Variants in ADAM17 observed in about 807,000 individuals in gnomAD.
ADAM17 encodes disintegrin and metalloproteinase domain-containing protein 17.
ADAM17 carries 39 observed loss-of-function variants against 96.7 expected under a neutral mutation model. The ratio of observed to expected loss-of-function variants is 0.40; its 90% CI spans 0.31 to 0.53. The LOEUF (loss-of-function observed/expected upper bound fraction) is 0.53. ADAM17 is among the 20% of genes least tolerant of loss of function. The probability of loss-of-function intolerance (pLI) is 0.44; values close to 1 mark genes in which losing one functional copy is unlikely to be tolerated. For synonymous variants in ADAM17, 344 were observed against 359.2 expected (o/e 0.96, Z 0.48); for missense variants, 777 against 1,013.2 (o/e 0.77, Z 3.17).
intron 14 of ADAM17, among the ~76,000 whole-genome samples, chr2:9,496,734 A>C (rs1474428863): frequency 6.6e-6 from 1 of 152,292 alleles, no homozygotes; most frequent in East Asian, 1.9e-4. Flanking sequence ...GGAGTATCCT[A>C]GTTCCATGCC....
chr2:9,501,164 G>C (rs1462061757), intron 13 of ADAM17, among the ~76,000 whole-genome samples: 1 of 152,020 alleles, frequency 6.6e-6, no homozygotes, highest in Non-Finnish European at 1.5e-5. Flanking sequence ...ATATGAACTG[G>C]CTATTCACAG....
chr2:9,495,371 A>C (rs1269486691), intron 14 of ADAM17, among the ~76,000 whole-genome samples: 3 of 152,276 alleles, frequency 2.0e-5, no homozygotes, highest in Non-Finnish European at 4.4e-5. Context: ...AACCATACTT[A>C]GGAGAAAAAG....
chr2:9,542,977 C>T (rs1273735453), intron 2 of ADAM17, among the ~76,000 whole-genome samples, 176 bp downstream of exon 2: 7 of 152,134 alleles, frequency 4.6e-5, no homozygotes, highest in South Asian at 2.1e-4. Flanking sequence ...GGATTATAGG[C>T]GTGAGCCACT....
intron 10 of ADAM17, among the ~76,000 whole-genome samples, chr2:9,514,540 T>C (rs1378041643): frequency 3.0e-5 from 1 of 33,628 alleles, no homozygotes; most frequent in Non-Finnish European, 7.4e-5. Context: ...TATATATATA[T>C]ATATATATAT....
Position 9,493,784 on chromosome 2 carries a change from A to T in ADAM17, c.1956T>A (p.Phe652Leu). The change falls in exon 16 of 19, where the codon TTT (phenylalanine) becomes TTA (leucine). Residue 652 changes from phenylalanine to leucine, a missense_variant. Phe to Leu is a conservative substitution (Grantham distance 22, BLOSUM62 0). Coordinates refer to ENST00000310823, the MANE Select transcript of ADAM17 (RefSeq NM_003183.6). ...EKRVQDVIER[F>L]WDFIDQLSIN... is the part of the protein sequence containing the mutation. ...TGCTCAGCTGGTCAATGAAATCCCAAAATCGTTCAATTACATCCTGTACTC... is the reference window on the plus strand; with the variant it reads ...TGCTCAGCTGGTCAATGAAATCCCATAATCGTTCAATTACATCCTGTACTC... 1 of 1,614,086 alleles carries T rather than the reference A, an allele frequency of 6.2e-7. No individual in the cohort carries two copies. The highest frequency in any genetic ancestry group is 1.1e-5 in the South Asian group (1 of 91,060).
At chr2:9,545,471 G>A (rs1332211977) in intron 1 of ADAM17, among the ~76,000 whole-genome samples, 1 of 152,126 alleles carries the variant, frequency 6.6e-6, no homozygotes, top group East Asian at 1.9e-4. Flanking sequence ...TCGGTAGGCT[G>A]AGGCAAGAGA....
At chr2:9,529,372 A>C (rs1166177622) in intron 4 of ADAM17, among the ~76,000 whole-genome samples, 1 of 152,120 alleles carries the variant, frequency 6.6e-6, no homozygotes, top group Non-Finnish European at 1.5e-5. Context: ...AATCAGTTGA[A>C]CCCAGGAGGC....
intron 2 of ADAM17, among the ~76,000 whole-genome samples, chr2:9,537,460 G>A (rs539183344): frequency 5.9e-5 from 9 of 152,304 alleles, no homozygotes; most frequent in East Asian, 1.9e-4. Context: ...GCGGCCGTGC[G>A]TAGTGGCTCA....
In ADAM17 at chr2:9,495,583, G is replaced by A. The variant is rs372670753; in HGVS notation, c.1784-816C>T. On this transcript the variant is annotated intron_variant, in intron 14 of 18. Transcript: ENST00000310823. ...AAAAAAATTAGCCAGATGTGGTGGT[G>A]CTTGCCTGTAGTCCCAGCTACTCAG... 2.6e-5 allele frequency among the ~76,000 whole-genome samples: 4 copies of A among 152,010 alleles called. No homozygotes were observed. In the East Asian group the frequency reaches 7.7e-4, roughly 29 times the overall value.
intron 10 of ADAM17, among the ~76,000 whole-genome samples, chr2:9,516,671 T>G (rs1409515231): frequency 6.6e-6 from 1 of 152,052 alleles, no homozygotes; most frequent in Non-Finnish European, 1.5e-5. Context: ...GAGAACTGCT[T>G]GAACCCAGAA....
At chr2:9,524,831 A>G (rs146039765) in intron 6 of ADAM17, among the ~76,000 whole-genome samples, 65 of 152,352 alleles carry the variant, frequency 4.3e-4, no homozygotes, top group African/African-American at 1.5e-3. Context: ...GGAAAATGAC[A>G]TGAGAAAGAA....
chr2:9,494,117 T>TA (rs772872167), intron 15 of ADAM17, among the ~76,000 whole-genome samples: 28 of 152,146 alleles, frequency 1.8e-4, no homozygotes, highest in Non-Finnish European at 3.7e-4. Context: ...ACTCTACACA[T>TA]ACACAGTGGA....
chr2:9,491,184 C>T, intron 17 of ADAM17, 33 bp from the exon 18 acceptor site: 1 of 1,591,880 alleles, frequency 6.3e-7, no homozygotes, highest in Admixed American at 1.7e-5. Context: ...TCATTCCCTA[C>T]AAATACAATT....
At chr2:9,550,842 G>T (rs1665566271) in intron 1 of ADAM17, among the ~76,000 whole-genome samples, 1 of 145,154 alleles carries the variant, frequency 6.9e-6, no homozygotes, top group South Asian at 2.1e-4. Flanking sequence ...TGGATCACCA[G>T]AGGTCAGGAG....
At chr2:9,514,512 AATATAAAT>A (rs1351703708) in intron 10 of ADAM17, among the ~76,000 whole-genome samples, 4 of 89,238 alleles carry the variant, frequency 4.5e-5, no homozygotes, top group East Asian at 4.4e-4. Flanking sequence ...TTAAATTTAA[AATATAAAT>A]ATATATATAT....
chr2:9,490,723 C>T (rs1267610496), intron 18 of ADAM17, among the ~76,000 whole-genome samples: 1 of 152,204 alleles, frequency 6.6e-6, no homozygotes, highest in East Asian at 1.9e-4. Context: ...CTTTTAATGG[C>T]AAAAACAGTA....
At chr2:9,509,702 C>T (rs1663624657) in intron 11 of ADAM17, among the ~76,000 whole-genome samples, 1 of 151,998 alleles carries the variant, frequency 6.6e-6, no homozygotes, top group South Asian at 2.1e-4. Context: ...CCCTGAAATC[C>T]AGAACTCCAA....
intron 7 of ADAM17, chr2:9,522,240 T>C (rs953101659): frequency 2.5e-6 from 1 of 393,556 alleles, no homozygotes; most frequent in Non-Finnish European, 4.5e-6. Flanking sequence ...GGTGTAAAAG[T>C]GTACTGCATA....
In ADAM17 at chr2:9,536,752, T is replaced by G; in HGVS notation, c.307A>C (p.Asn103His). ...CATTTTACAGTGTACTCGCTTTCGT[T>G]TTTACCATCCACCACCACGACCTTG... ...NFKVVVVDGK[N>H]ESEYTVKWQD... Residue 103 changes from asparagine to histidine, a missense_variant, in exon 3 of 19, where the codon AAC (asparagine) becomes CAC (histidine). Coordinates refer to ENST00000310823, the MANE Select transcript of ADAM17 (RefSeq NM_003183.6). The G allele has an allele frequency of 9.3e-6, 15 of 1,614,094 alleles. No individual in the cohort carries two copies. The highest frequency in any genetic ancestry group is 1.3e-5 in the Non-Finnish European group (15 of 1,179,994).
Sources: gnomAD v4.1 joint callset for allele counts (sites outside exome capture counted in the v4.1 genomes callset) on GRCh38, gnomAD v4.1.1 for gene constraint, MANE v1.5 for transcripts, NCBI Gene and HGNC (gene_info 2026-07-23, HGNC 2026-07-21) for gene names.